ZMIZ1: variants seen among roughly 807,000 people sequenced by gnomAD.
ZMIZ1 encodes zinc finger MIZ-type containing 1.
In ZMIZ1, 17 loss-of-function variants were observed where a neutral mutation model predicts 113.9. That is an observed-to-expected ratio of 0.15 (90% confidence interval 0.10 to 0.22). ZMIZ1 has a LOEUF of 0.22. ZMIZ1 is among the 10% of genes least tolerant of loss of function. The probability of loss-of-function intolerance (pLI) is 1.00; values close to 1 mark genes in which losing one functional copy is unlikely to be tolerated. For synonymous variants in ZMIZ1, 607 were observed against 603.1 expected, an observed-to-expected ratio of 1.01 and a Z score of -0.09; for missense variants, 1,059 against 1,477.8, an observed-to-expected ratio of 0.72 and a Z score of 4.65.
chr10:79,083,585 A>T (rs1369626096), intron 1 of ZMIZ1, among the ~76,000 whole-genome samples: 1 of 152,114 alleles, frequency 6.6e-6, no homozygotes, highest in East Asian at 1.9e-4. Flanking sequence ...TCCCTCTAAG[A>T]TCTCTGGCTG....
intron 2 of ZMIZ1, among the ~76,000 whole-genome samples, chr10:79,128,945 G>A (rs769874696): frequency 1.3e-5 from 2 of 152,132 alleles, no homozygotes; most frequent in East Asian, 1.9e-4. Flanking sequence ...TTCCTTCCCC[G>A]TTAAGTATTG....
chr10:79,305,696 C>A, intron 21 of ZMIZ1, 95 bp downstream of exon 21: 1 of 1,286,658 alleles, frequency 7.8e-7, no homozygotes, highest in Non-Finnish European at 1.1e-6. Flanking sequence ...ACAGCCCTCC[C>A]CTCCCAGGCC....
At chr10:79,078,519 A>T (rs1842551112) in intron 1 of ZMIZ1, among the ~76,000 whole-genome samples, 1 of 146,172 alleles carries the variant, frequency 6.8e-6, no homozygotes, top group African/African-American at 2.5e-5. Flanking sequence ...CAGAGTAAAT[A>T]GTTTGCTTCA....
At chr10:79,270,733 CAG>C (rs1014857640) in intron 7 of ZMIZ1, among the ~76,000 whole-genome samples, 11 of 152,306 alleles carry the variant, frequency 7.2e-5, no homozygotes, top group African/African-American at 2.6e-4. Flanking sequence ...GCTGGCCCCT[CAG>C]GGCTGCTGCT....
intron 3 of ZMIZ1, among the ~76,000 whole-genome samples, chr10:79,158,082 G>T (rs1845973833): frequency 6.6e-6 from 1 of 152,174 alleles, no homozygotes; most frequent in Admixed American, 6.5e-5. Context: ...ATCCCCACTT[G>T]GCCACTTATA....
intron 4 of ZMIZ1, among the ~76,000 whole-genome samples, chr10:79,191,757 T>C (rs1847613748): frequency 6.6e-6 from 1 of 152,196 alleles, no homozygotes; most frequent in Non-Finnish European, 1.5e-5. Flanking sequence ...CAGACCTAGA[T>C]TCAAATCCTG....
intron 7 of ZMIZ1, among the ~76,000 whole-genome samples, chr10:79,227,008 A>G (rs1034336085): frequency 2.6e-5 from 4 of 152,220 alleles, no homozygotes; most frequent in African/African-American, 9.6e-5. Context: ...CCAGGTACTC[A>G]TATCTACCCC....
At chr10:79,294,652 A>G (rs1275860221) in intron 12 of ZMIZ1, 1 of 152,188 alleles carries the variant, frequency 6.6e-6, no homozygotes, top group Admixed American at 6.6e-5. Context: ...GGCTCTGCAG[A>G]TGCCCCTCGT....
chr10:79,257,063 G>T (rs1450181212), intron 7 of ZMIZ1, among the ~76,000 whole-genome samples: 1 of 152,186 alleles, frequency 6.6e-6, no homozygotes, highest in South Asian at 2.1e-4. Flanking sequence ...CCTTGTCGCT[G>T]ACCTGCCTTG....
chr10:79,070,897 C>T (rs1042876940), intron 1 of ZMIZ1, among the ~76,000 whole-genome samples: 2 of 149,566 alleles, frequency 1.3e-5, no homozygotes, highest in Non-Finnish European at 1.5e-5. Context: ...CTTCTCCTCT[C>T]CCCTGACTGC....
At chr10:79,310,470 G>A (rs1018955089) in intron 23 of ZMIZ1, among the ~76,000 whole-genome samples, 1 of 152,192 alleles carries the variant, frequency 6.6e-6, no homozygotes, top group Non-Finnish European at 1.5e-5. Context: ...GCCCAATGCT[G>A]TCTGTCTGTG....
chr10:79,288,667 C>T (rs533659229), intron 8 of ZMIZ1, among the ~76,000 whole-genome samples: 2 of 152,274 alleles, frequency 1.3e-5, no homozygotes, highest in South Asian at 2.1e-4. Context: ...GAGCCAGTGC[C>T]GGCTCTGGTG....
chr10:79,299,733 T>C (rs1854163397), intron 16 of ZMIZ1, among the ~76,000 whole-genome samples: 1 of 152,234 alleles, frequency 6.6e-6, no homozygotes, highest in Non-Finnish European at 1.5e-5. Context: ...TGACCCACTT[T>C]GATCTTGGAA....
chr10:79,215,028 G>A (rs2132708169), intron 6 of ZMIZ1, among the ~76,000 whole-genome samples: 1 of 147,478 alleles, frequency 6.8e-6, no homozygotes, highest in East Asian at 2.0e-4. Context: ...CACCCTGCCA[G>A]TCCCTACTTC....
At chr10:79,175,628 GT>G (rs1846818833) in intron 4 of ZMIZ1, among the ~76,000 whole-genome samples, 3 of 108,270 alleles carry the variant, frequency 2.8e-5, no homozygotes, top group Non-Finnish European at 5.2e-5. Context: ...GTGTGTGTGT[GT>G]GGAGGTTTTT....
intron 19 of ZMIZ1, among the ~76,000 whole-genome samples, chr10:79,304,704 G>A (rs1160747626): frequency 6.6e-6 from 1 of 152,240 alleles, no homozygotes; most frequent in African/African-American, 2.4e-5. Flanking sequence ...TGAGGGTGCA[G>A]TGGGACAGGA....
chr10:79,198,246 C>CT (rs1201285030), intron 4 of ZMIZ1, among the ~76,000 whole-genome samples: 1 of 152,012 alleles, frequency 6.6e-6, no homozygotes, highest in African/African-American at 2.4e-5. Context: ...GCGACAGACT[C>CT]TGTCTCAAAA....
chr10:79,094,746 C>G (rs750825815), intron 1 of ZMIZ1, among the ~76,000 whole-genome samples: 2 of 152,130 alleles, frequency 1.3e-5, no homozygotes, highest in Non-Finnish European at 2.9e-5. Flanking sequence ...CTCAGGAGTT[C>G]GAGACTAGCC....
Position 79,236,568 on chromosome 10 carries a change from T to C in ZMIZ1, c.280+20294T>C, listed in dbSNP as rs1849599058. Among the ~76,000 whole-genome samples the C allele has an allele frequency of 2.0e-5, 3 of 152,294 alleles. No individual in the cohort carries two copies. In the South Asian group the frequency reaches 6.2e-4, roughly 32 times the overall value. ...AATGGGAAGAGATTCATTAGAGACC[T>C]GGGTGGCGCGCTCCCCACCACCTCC... On this transcript the variant is annotated intron_variant, in intron 7 of 24. Coordinates refer to ENST00000334512, the MANE Select transcript of ZMIZ1 (RefSeq NM_020338.4).
Sources: allele counts gnomAD v4.1 joint callset (sites outside exome capture counted in the v4.1 genomes callset), GRCh38; gene constraint gnomAD v4.1.1; transcripts MANE v1.5; gene names NCBI Gene and HGNC (gene_info 2026-07-23, HGNC 2026-07-21).